The following SGIP1 variants were observed in gnomAD, a reference collection of about 807,000 sequenced individuals.
SGIP1 encodes the protein SH3GL interacting endocytic adaptor 1.
Under a neutral mutation model 107.5 loss-of-function variants are expected in SGIP1, and 38 were observed. The ratio of observed to expected loss-of-function variants is 0.35; its 90% CI spans 0.27 to 0.46. The LOEUF (loss-of-function observed/expected upper bound fraction) is 0.46. SGIP1 is among the 20% of genes least tolerant of loss of function. The pLI is 1.00. For synonymous variants in SGIP1, 365 were observed against 366.1 expected, an observed-to-expected ratio of 1.00 and a Z score of 0.03; for missense variants, 929 against 1,019.5, an observed-to-expected ratio of 0.91 and a Z score of 1.21.
intron 1 of SGIP1, among the ~76,000 whole-genome samples, chr1:66,575,029 A>G (rs2060877382): frequency 6.6e-6 from 1 of 152,170 alleles, no homozygotes; most frequent in Non-Finnish European, 1.5e-5. Context: ...ATGACTTGAG[A>G]GCAATAGAAC....
At chr1:66,689,064 A>G in intron 15 of SGIP1, 84 bp from the exon 16 acceptor site, 1 of 1,325,110 alleles carries the variant, frequency 7.5e-7, no homozygotes, top group Non-Finnish European at 1.0e-6. Context: ...AAAAAAAAAA[A>G]TGTCCGGGAC....
At chr1:66,717,205 C>G (rs2093296575) in intron 18 of SGIP1, among the ~76,000 whole-genome samples, 1 of 152,170 alleles carries the variant, frequency 6.6e-6, no homozygotes, top group Non-Finnish European at 1.5e-5. Flanking sequence ...GGCAATGACC[C>G]TGATAGAGTG....
chr1:66,545,346 T>A (rs780140768), intron 1 of SGIP1, among the ~76,000 whole-genome samples: 1 of 152,230 alleles, frequency 6.6e-6, no homozygotes, highest in East Asian at 1.9e-4. Context: ...CAGTCTGTTC[T>A]GACTTTTCAA....
At chr1:66,676,114 C>T (rs970632126) in intron 12 of SGIP1, among the ~76,000 whole-genome samples, 1 of 152,126 alleles carries the variant, frequency 6.6e-6, no homozygotes, top group African/African-American at 2.4e-5. Context: ...TCTGTTAATC[C>T]TCTTCATAAC....
At chr1:66,697,965 TAGA>T (rs755906309) in intron 18 of SGIP1, among the ~76,000 whole-genome samples, 50 of 152,328 alleles carry the variant, frequency 3.3e-4, no homozygotes, top group African/African-American at 1.1e-3. Flanking sequence ...TCAGGGAATG[TAGA>T]AGAAGAAAGA....
intron 1 of SGIP1, among the ~76,000 whole-genome samples, chr1:66,534,670 C>A (rs564119937): frequency 6.6e-6 from 1 of 152,078 alleles, no homozygotes; most frequent in Admixed American, 6.5e-5. Flanking sequence ...ATAAGTTGGG[C>A]GAGAAGATAA....
intron 13 of SGIP1, 76 bp downstream of exon 13, chr1:66,677,172 A>G: frequency 8.7e-7 from 1 of 1,149,552 alleles, no homozygotes; most frequent in East Asian, 2.3e-5. Context: ...AAATTAGGCA[A>G]CTCTTAAAAA....
intron 7 of SGIP1, 77 bp from the exon 8 acceptor site, chr1:66,660,436 G>A: frequency 7.2e-7 from 1 of 1,384,256 alleles, no homozygotes; most frequent in Admixed American, 1.7e-5. Context: ...CCTGAACCTT[G>A]ACCTGTTTCT....
chr1:66,748,092 T>C lies in SGIP1; in HGVS notation c.*4997T>C, dbSNP rs2094576392. ...ACCAGCCTCACCATCTTTTACTGTG[T>C]GCACTTTCCTCTTAAGGTTTTATTG... On this transcript the variant is annotated 3_prime_UTR_variant, in exon 25 of 25. Transcript: ENST00000371037. 1 of 152,012 alleles carries C rather than the reference T, an allele frequency of 6.6e-6. No homozygotes were observed. Among genetic ancestry groups the C allele is most frequent in the African/African-American group, 2.4e-5 (1 of 41,452 alleles). The allele number at this position is 152,012 out of a possible 1,614,324, so 9.4% of individuals were successfully genotyped here.
chr1:66,535,220 A>G (rs545701929), intron 1 of SGIP1, among the ~76,000 whole-genome samples: 6 of 152,342 alleles, frequency 3.9e-5, no homozygotes, highest in South Asian at 4.1e-4. Context: ...CAAGCTGATC[A>G]GGAAAGAAGC....
chr1:66,697,926 A>G (rs1308618422), intron 18 of SGIP1, among the ~76,000 whole-genome samples: 1 of 152,202 alleles, frequency 6.6e-6, no homozygotes, highest in Admixed American at 6.5e-5. Flanking sequence ...TATTATTAAT[A>G]TTAATTAACA....
rs921128789 is a variant in SGIP1, at chr1:66,673,204, G to A, written c.561-77G>A. The A allele has an allele frequency of 4.2e-6, 6 of 1,440,812 alleles. No individual in the cohort carries two copies. The South Asian group carries it at 5.7e-5, about 14-fold the overall frequency. The allele number at this position is 1,440,812 out of a possible 1,614,324, so 89.3% of individuals were successfully genotyped here. A position where few individuals can be genotyped will look rare whatever the true frequency, so the allele number is the denominator to read the frequency against. On this transcript the variant is annotated intron_variant, in intron 11 of 24. Coordinates refer to ENST00000371037, the MANE Select transcript of SGIP1 (RefSeq NM_032291.4). ...ACACTTGTTTCACTAAGAAAAATAT[G>A]TGAAAGCTTGTATATCTTTTTGAGT... is the stretch of plus-strand genomic sequence containing the variant.
At chr1:66,654,689 C>T (rs1374100215) in intron 7 of SGIP1, among the ~76,000 whole-genome samples, 1 of 152,082 alleles carries the variant, frequency 6.6e-6, no homozygotes, top group Admixed American at 6.6e-5. Context: ...AAAAATTTTT[C>T]CTCAAAGACT....
chr1:66,664,319 T>C (rs2082102773), intron 8 of SGIP1, among the ~76,000 whole-genome samples: 1 of 152,168 alleles, frequency 6.6e-6, no homozygotes, highest in Admixed American at 6.5e-5. Context: ...GGTAGCAGTA[T>C]CTGGAAAATA....
intron 24 of SGIP1, among the ~76,000 whole-genome samples, chr1:66,742,258 T>C (rs183882753): frequency 1.1e-3 from 171 of 152,098 alleles, no homozygotes; most frequent in Non-Finnish European, 1.9e-3. Context: ...CAGGTTTTAT[T>C]TGGCACAAAC....
At chr1:66,580,824 G>A (rs145960771) in intron 1 of SGIP1, among the ~76,000 whole-genome samples, 1,591 of 152,102 alleles carry the variant, frequency 0.01, 17 homozygotes, top group Middle Eastern at 0.021. Context: ...ATACTTAATT[G>A]CTAATTTTAC....
In SGIP1 at chr1:66,538,902, A is replaced by T. The variant is rs1464741714; in HGVS notation, c.10+4534A>T. On this transcript the variant is annotated intron_variant, in intron 1 of 24. Coordinates refer to ENST00000371037, the MANE Select transcript of SGIP1 (RefSeq NM_032291.4). The stretch of plus-strand genomic sequence containing the variant: ...AGGACAATGAAGAGCTGGAGAAAAA[A>T]TTAGAAGGTATTTTCAGAATACCAT... 2.0e-5 allele frequency among the ~76,000 whole-genome samples: 3 copies of T among 152,212 alleles called. No individual in the cohort carries two copies. In the East Asian group the frequency reaches 5.8e-4, roughly 29 times the overall value.
At chr1:66,709,762 A>G (rs1435141838) in intron 18 of SGIP1, among the ~76,000 whole-genome samples, 1 of 152,150 alleles carries the variant, frequency 6.6e-6, no homozygotes, top group Non-Finnish European at 1.5e-5. Flanking sequence ...TGGGGATAAC[A>G]ATACATCTTT....
chr1:66,561,040 C>T (rs1033694431), intron 1 of SGIP1, among the ~76,000 whole-genome samples: 6 of 152,036 alleles, frequency 3.9e-5, no homozygotes, highest in African/African-American at 1.4e-4. Flanking sequence ...CCAAACAACC[C>T]TGAAAGATTA....
Sources: gnomAD v4.1 joint callset for allele counts (sites outside exome capture counted in the v4.1 genomes callset) on GRCh38, gnomAD v4.1.1 for gene constraint, MANE v1.5 for transcripts, NCBI Gene and HGNC (gene_info 2026-07-23, HGNC 2026-07-21) for gene names.